Variants in ZMYM2 observed in about 807,000 individuals in gnomAD.
ZMYM2 encodes the protein zinc finger MYM-type containing 2, also known as zinc finger MYM-type protein 2.
ZMYM2 carries 56 observed loss-of-function variants against 162.8 expected under a neutral mutation model. That is an observed-to-expected ratio of 0.34 (90% CI 0.28 to 0.43). The LOEUF is 0.43. Among genes scored for constraint, ZMYM2 ranks in the 20% least tolerant of loss-of-function variants. The pLI is 1.00. For synonymous variants in ZMYM2, 510 were observed against 541.6 expected (o/e 0.94, Z 0.81); for missense variants, 1,275 against 1,621.8 (o/e 0.79, Z 3.67).
the ZMYM2 span, among the ~76,000 whole-genome samples, chr13:19,885,140 A>G: frequency 6.6e-6 from 1 of 152,186 alleles, no homozygotes; most frequent in Non-Finnish European, 1.5e-5. Context: ...TTCACCTGTC[A>G]GTGTGTATCT....
intron 17 of ZMYM2, 67 bp from the exon 18 acceptor site, chr13:20,062,779 A>G (rs1956325953): frequency 3.5e-6 from 5 of 1,411,906 alleles, no homozygotes; most frequent in Non-Finnish European, 4.7e-6. Flanking sequence ...TGCTTTTGCC[A>G]GATTAAATAC....
chr13:19,988,240 T>G (rs1350163951), intron 2 of ZMYM2, among the ~76,000 whole-genome samples: 1 of 152,244 alleles, frequency 6.6e-6, no homozygotes, highest in Non-Finnish European at 1.5e-5. Flanking sequence ...TTTCTTACTT[T>G]GTTGAGTGGT....
At chr13:20,000,188 A>G (rs1950290257) in intron 3 of ZMYM2, among the ~76,000 whole-genome samples, 1 of 152,234 alleles carries the variant, frequency 6.6e-6, no homozygotes, top group Non-Finnish European at 1.5e-5. Context: ...GCCAAAGCTT[A>G]ATCCAGAGTT....
the ZMYM2 span, among the ~76,000 whole-genome samples, chr13:19,944,401 T>G: frequency 6.6e-6 from 1 of 152,156 alleles, no homozygotes; most frequent in Non-Finnish European, 1.5e-5. Context: ...ATAGTTCAAT[T>G]GAATATTATA....
chr13:19,962,410 T>C (rs986891102), intron 2 of ZMYM2, among the ~76,000 whole-genome samples: 1 of 150,934 alleles, frequency 6.6e-6, no homozygotes, highest in African/African-American at 2.4e-5. Context: ...CATTAATATG[T>C]CTCTATACCA....
intron 21 of ZMYM2, among the ~76,000 whole-genome samples, chr13:20,081,211 C>T (rs1957884894): frequency 6.6e-6 from 1 of 151,880 alleles, no homozygotes; most frequent in African/African-American, 2.4e-5. Context: ...TACTTGTTAC[C>T]TTAGGTTTAC....
At position 19,971,548 on chromosome 13, in the gene ZMYM2, G is replaced by T. The variant is rs530651738; in HGVS notation, c.-11+11522G>T. ...GCCTCACAAGGTGTTGGGATTACAG[G>T]CATGAGTCACCATGCCCAGCCGATT... On this transcript the variant is annotated intron_variant, in intron 2 of 24. Transcript: ENST00000610343. Among the ~76,000 whole-genome samples, 37 of 151,882 alleles carry T rather than the reference G, an allele frequency of 2.4e-4. No individual in the cohort carries two copies. The East Asian group carries it at 7.0e-3, about 29-fold the overall frequency.
the ZMYM2 span, among the ~76,000 whole-genome samples, chr13:19,885,938 T>TGTGTGTGTATACACAC: frequency 1.3e-5 from 1 of 79,238 alleles, no homozygotes; most frequent in Non-Finnish European, 2.6e-5. Flanking sequence ...TGTATACACA[T>TGTGTGTGTATACACAC]ATATATGTAT....
the ZMYM2 span, among the ~76,000 whole-genome samples, chr13:19,884,555 AGAG>A: frequency 6.6e-6 from 1 of 152,080 alleles, no homozygotes. Context: ...CCCGGGCAAC[AGAG>A]AAGGAAACCT....
At chr13:19,975,689 A>G (rs776616610) in intron 2 of ZMYM2, among the ~76,000 whole-genome samples, 29 of 152,314 alleles carry the variant, frequency 1.9e-4, no homozygotes, top group African/African-American at 5.8e-4. Context: ...ATATCTCACA[A>G]TGAAATTGAT....
At chr13:20,041,396 T>G (rs181600941) in intron 12 of ZMYM2, among the ~76,000 whole-genome samples, 30 of 152,312 alleles carry the variant, frequency 2.0e-4, no homozygotes, top group Non-Finnish European at 3.8e-4. Flanking sequence ...TGGTTTCCAT[T>G]TGCTTGGTAG....
At chr13:19,969,400 G>C (rs1956099782) in intron 2 of ZMYM2, among the ~76,000 whole-genome samples, 1 of 152,194 alleles carries the variant, frequency 6.6e-6, no homozygotes, top group Non-Finnish European at 1.5e-5. Context: ...ACAGCTGTGT[G>C]CCGTAGGAGA....
chr13:19,878,275 A>T, the ZMYM2 span, among the ~76,000 whole-genome samples: 1 of 151,834 alleles, frequency 6.6e-6, no homozygotes, highest in African/African-American at 2.4e-5. Context: ...CTGGTCTCGA[A>T]CTCCTGACCT....
intron 3 of ZMYM2, among the ~76,000 whole-genome samples, chr13:20,000,915 G>T (rs927302252): frequency 6.6e-6 from 1 of 152,188 alleles, no homozygotes; most frequent in Admixed American, 6.6e-5. Context: ...GAAAGGATTC[G>T]CCATTCTCAG....
intron 2 of ZMYM2, among the ~76,000 whole-genome samples, chr13:19,991,843 T>C (rs1422920305): frequency 6.6e-6 from 1 of 151,940 alleles, no homozygotes. Flanking sequence ...TTGCCCAGGC[T>C]GGTCTCAAAC....
chr13:19,972,517 A>G (rs1956417773), intron 2 of ZMYM2, among the ~76,000 whole-genome samples: 1 of 152,154 alleles, frequency 6.6e-6, no homozygotes. Flanking sequence ...GAGTTAATAC[A>G]GAAAGATCTC....
intron 24 of ZMYM2, among the ~76,000 whole-genome samples, chr13:20,084,437 T>C (rs922765345): frequency 1.2e-4 from 18 of 152,316 alleles, no homozygotes; most frequent in Admixed American, 6.5e-5. Context: ...AACTAATCGG[T>C]TCTCTTGTGA....
intron 17 of ZMYM2, among the ~76,000 whole-genome samples, chr13:20,062,510 C>T (rs1400193185): frequency 6.6e-6 from 1 of 152,034 alleles, no homozygotes; most frequent in Non-Finnish European, 1.5e-5. Flanking sequence ...AGTTGTCTAC[C>T]CTCATTAGTT....
At chr13:19,985,817 A>G (rs1193503635) in intron 2 of ZMYM2, among the ~76,000 whole-genome samples, 1 of 152,114 alleles carries the variant, frequency 6.6e-6, no homozygotes, top group East Asian at 1.9e-4. Context: ...TGGAGGTTGC[A>G]GTGAACTGAG....
Sources: allele counts gnomAD v4.1 joint callset (sites outside exome capture counted in the v4.1 genomes callset), GRCh38; gene constraint gnomAD v4.1.1; transcripts MANE v1.5; gene names NCBI Gene and HGNC (gene_info 2026-07-23, HGNC 2026-07-21).